LRCH2: variants seen among roughly 807,000 people sequenced by gnomAD.
LRCH2 encodes leucine rich repeats and calponin homology domain containing 2.
LRCH2 carries 38 observed loss-of-function variants against 68.9 expected under a neutral mutation model. That is an observed-to-expected ratio of 0.55 (90% CI 0.43 to 0.72). LRCH2 has a LOEUF of 0.72. LRCH2 is among the 30% of genes least tolerant of loss of function. The probability of loss-of-function intolerance (pLI) is 0.00; values close to 1 mark genes in which losing one functional copy is unlikely to be tolerated. For synonymous variants in LRCH2, 191 were observed against 208.1 expected (o/e 0.92, Z 0.71); for missense variants, 528 against 572.9 (o/e 0.92, Z 0.80).
intron 1 of LRCH2, among the ~76,000 whole-genome samples, chrX:115,215,699 T>G (rs782166966): frequency 2.5e-3 from 258 of 102,667 alleles, no homozygotes; most frequent in African/African-American, 8.5e-3. Flanking sequence ...AGACAGAGGT[T>G]GTAGTGAGCC....
intron 14 of LRCH2, among the ~76,000 whole-genome samples, chrX:115,135,072 A>G (rs2072277386): frequency 9.0e-6 from 1 of 110,735 alleles, no homozygotes; most frequent in Non-Finnish European, 1.9e-5. Context: ...GATGTGGTGG[A>G]AACAGCAGGA....
At chrX:115,124,930 C>G (rs984262278) in intron 16 of LRCH2, among the ~76,000 whole-genome samples, 45 of 111,298 alleles carry the variant, frequency 4.0e-4, no homozygotes, top group Non-Finnish European at 7.2e-4. Flanking sequence ...TTAATGTAAT[C>G]AGAATTCTGT....
At chrX:115,198,501 C>T in intron 1 of LRCH2, 1 of 117,142 alleles carries the variant, frequency 8.5e-6, no homozygotes. Context: ...TTTGAGCAAG[C>T]CCAGACACAG....
In LRCH2 at chrX:115,188,151, A is replaced by G. The variant is rs1248693058; in HGVS notation, c.494+75T>C. On this transcript the variant is annotated intron_variant, in intron 2 of 20. Coordinates refer to ENST00000317135, the MANE Select transcript of LRCH2 (RefSeq NM_020871.4). ...AATTTAAGCTACACAGCCAAATCAA[A>G]CATATTCCTTTGCGACTAAAAAAGG... The G allele has an allele frequency of 6.6e-6, 5 of 753,424 alleles. No individual in the cohort carries two copies. The East Asian group carries it at 1.9e-4, about 28-fold the overall frequency. 62.1% of individuals were successfully genotyped at this position (753,424 alleles called of 1,213,427 possible). A position where few individuals can be genotyped will look rare whatever the true frequency, so the allele number is the denominator to read the frequency against.
chrX:115,229,365 C>A (rs2073138961), intron 1 of LRCH2, among the ~76,000 whole-genome samples: 1 of 111,134 alleles, frequency 9.0e-6, no homozygotes, highest in Admixed American at 9.6e-5. Flanking sequence ...TGTCTCTCAA[C>A]CACAACGAGC....
At chrX:115,232,342 A>G (rs17326513) in intron 1 of LRCH2, among the ~76,000 whole-genome samples, 2,881 of 111,444 alleles carry the variant, frequency 0.026, 42 homozygotes, top group Non-Finnish European at 0.041. Flanking sequence ...TTTGAAGAAC[A>G]CACCAAGTTG....
intron 1 of LRCH2, among the ~76,000 whole-genome samples, chrX:115,214,223 A>G (rs2073027047): frequency 8.9e-6 from 1 of 112,222 alleles, no homozygotes; most frequent in Non-Finnish European, 1.9e-5. Flanking sequence ...CTATTTTTCT[A>G]TCTAAAAGAA....
chrX:115,199,498 T>C (rs1220934717), intron 1 of LRCH2, among the ~76,000 whole-genome samples: 1 of 112,300 alleles, frequency 8.9e-6, no homozygotes, highest in Admixed American at 9.5e-5. Context: ...TGAGCAGCAC[T>C]AGCTGTACTT....
At chrX:115,224,681 CAAAAAAA>C (rs782620582) in intron 1 of LRCH2, among the ~76,000 whole-genome samples, 566 of 56,216 alleles carry the variant, frequency 0.01, 6 homozygotes, top group African/African-American at 0.033. Context: ...GAGACTCTGT[CAAAAAAA>C]AAAAAAAAGA....
chrX:115,200,501 CTA>C (rs782130977), intron 1 of LRCH2, among the ~76,000 whole-genome samples: 2 of 110,740 alleles, frequency 1.8e-5, no homozygotes, highest in African/African-American at 3.3e-5. Context: ...TTATGAACAA[CTA>C]TATACTCAAC....
intron 1 of LRCH2, among the ~76,000 whole-genome samples, chrX:115,210,835 T>A (rs782411215): frequency 1.2e-4 from 13 of 111,988 alleles, no homozygotes; most frequent in Admixed American, 1.9e-4. Flanking sequence ...ATGTGAGACA[T>A]GGAGTCAAAG....
chrX:115,174,432 TTAAGGTTCCACATATAC>T (rs1195340438), intron 5 of LRCH2, among the ~76,000 whole-genome samples: 1 of 110,137 alleles, frequency 9.1e-6, no homozygotes, highest in East Asian at 2.8e-4. Context: ...CTTTTTTTTT[TTAAGGTTCCACATATAC>T]GTGAGATCAC....
intron 14 of LRCH2, among the ~76,000 whole-genome samples, chrX:115,143,146 GAAAT>G (rs1244202989): frequency 2.7e-5 from 3 of 110,481 alleles, no homozygotes; most frequent in Admixed American, 9.7e-5. Context: ...GATCAGAGCA[GAAAT>G]AAATAAATTT....
intron 1 of LRCH2, among the ~76,000 whole-genome samples, chrX:115,230,172 T>G (rs781955100): frequency 3.6e-5 from 4 of 111,705 alleles, no homozygotes; most frequent in Middle Eastern, 4.6e-3. Flanking sequence ...CCCTTCATCT[T>G]GTCAAATCTA....
chrX:115,122,889 T>C lies in LRCH2; in HGVS notation c.1971A>G (p.Glu657=). The C allele has an allele frequency of 8.3e-7, 1 of 1,202,706 alleles. No individual in the cohort carries two copies. Among genetic ancestry groups the C allele is most frequent in the African/African-American group, 1.7e-5 (1 of 57,632 alleles). ...EQIRQLRNNL[E]SRLKVILPDD... Reference sequence around the variant, plus strand: ...CAGGCAAAATTACTTTTAACCTGGATTCAAGATTCTATAGAAAAACAGGTA... The same window carrying C: ...CAGGCAAAATTACTTTTAACCTGGACTCAAGATTCTATAGAAAAACAGGTA... Residue 657 remains glutamate (E), a synonymous_variant, in exon 19 of 21, where the codon GAA becomes GAG. Coordinates refer to ENST00000317135, the MANE Select transcript of LRCH2 (RefSeq NM_020871.4).
chrX:115,193,283 G>A (rs1392975903), intron 1 of LRCH2, among the ~76,000 whole-genome samples: 1 of 111,831 alleles, frequency 8.9e-6, no homozygotes, highest in Non-Finnish European at 1.9e-5. Flanking sequence ...TTTACATACC[G>A]ATGAATTGCA....
intron 11 of LRCH2, among the ~76,000 whole-genome samples, chrX:115,160,229 T>G (rs2072508460): frequency 9.0e-6 from 1 of 110,717 alleles, no homozygotes; most frequent in South Asian, 3.8e-4. Context: ...GCCAGGAGAA[T>G]TGCTTGAACC....
intron 1 of LRCH2, chrX:115,192,616 G>T: frequency 8.5e-7 from 1 of 1,170,925 alleles, no homozygotes; most frequent in Non-Finnish European, 1.1e-6. Context: ...AGGCCGCTTC[G>T]AGAGGGGGGA....
chrX:115,153,659 T>C (rs1305169549), intron 12 of LRCH2, among the ~76,000 whole-genome samples: 1 of 111,041 alleles, frequency 9.0e-6, no homozygotes, highest in African/African-American at 3.3e-5. Flanking sequence ...AAAATAAGTA[T>C]ACTGTTCTAA....
Sources: allele counts gnomAD v4.1 joint callset (sites outside exome capture counted in the v4.1 genomes callset), GRCh38; gene constraint gnomAD v4.1.1; transcripts MANE v1.5; gene names NCBI Gene and HGNC (gene_info 2026-07-23, HGNC 2026-07-21).